RBFOX1: variants seen among roughly 807,000 people sequenced by gnomAD.
RBFOX1 encodes RNA binding protein fox-1 homolog 1.
RBFOX1 carries 8 observed loss-of-function variants against 57.7 expected under a neutral mutation model. That is an observed-to-expected ratio of 0.14 (90% CI 0.08 to 0.25). RBFOX1 has a LOEUF of 0.25. RBFOX1 is among the 10% of genes least tolerant of loss of function. RBFOX1 has a pLI of 1.00. For missense variants in RBFOX1, 611 were observed against 548.5 expected (o/e 1.11, Z -1.14); for synonymous variants, 326 against 222.4 (o/e 1.47, Z -4.15).
chr16:7,361,094 T>C (rs1398361544), intron 4 of RBFOX1, among the ~76,000 whole-genome samples: 1 of 152,176 alleles, frequency 6.6e-6, no homozygotes, highest in Non-Finnish European at 1.5e-5. Flanking sequence ...TTGGCCATTG[T>C]TGAAGACCAC....
chr16:6,941,229 C>A (rs1020499796), intron 3 of RBFOX1, among the ~76,000 whole-genome samples: 1 of 146,262 alleles, frequency 6.8e-6, no homozygotes, highest in African/African-American at 2.5e-5. Context: ...CCATTACCTC[C>A]CTCCCTCCAT....
At chr16:6,520,456 T>C (rs143411819) in intron 2 of RBFOX1, among the ~76,000 whole-genome samples, 1 of 152,318 alleles carries the variant, frequency 6.6e-6, no homozygotes, top group Non-Finnish European at 1.5e-5. Context: ...CTGAAGGGCC[T>C]CATTTAACAC....
intron 4 of RBFOX1, among the ~76,000 whole-genome samples, chr16:7,296,341 T>A (rs1300579022): frequency 1.3e-5 from 2 of 151,236 alleles, no homozygotes; most frequent in East Asian, 3.9e-4. Context: ...TGTATGTGAG[T>A]TTATGTGTGT....
intron 4 of RBFOX1, among the ~76,000 whole-genome samples, chr16:5,907,970 C>G (rs549237563): frequency 2.5e-3 from 372 of 151,738 alleles, no homozygotes; most frequent in African/African-American, 8.3e-3. Flanking sequence ...AGGCTGATCT[C>G]AAACTGCTGA....
intron 4 of RBFOX1, among the ~76,000 whole-genome samples, chr16:5,991,565 C>G (rs907171012): frequency 4.6e-5 from 7 of 151,696 alleles, no homozygotes; most frequent in African/African-American, 1.7e-4. Context: ...GATCTGTACT[C>G]AATGATCGCA....
intron 1 of RBFOX1, among the ~76,000 whole-genome samples, chr16:5,305,090 A>G (rs1371350329): frequency 6.6e-6 from 1 of 152,120 alleles, no homozygotes; most frequent in African/African-American, 2.4e-5. Flanking sequence ...GCAAGGGGGT[A>G]GATACTGAAC....
At chr16:6,155,221 C>T (rs145286305) in intron 1 of RBFOX1, among the ~76,000 whole-genome samples, 5 of 152,196 alleles carry the variant, frequency 3.3e-5, no homozygotes, top group Admixed American at 6.5e-5. Flanking sequence ...TCTGCCATCT[C>T]TTCCTCTGGG....
At chr16:5,458,344 G>C (rs1172020734) in intron 1 of RBFOX1, among the ~76,000 whole-genome samples, 1 of 152,138 alleles carries the variant, frequency 6.6e-6, no homozygotes, top group African/African-American at 2.4e-5. Context: ...CGGTGGGGAG[G>C]AAGGGGGTTG....
chr16:6,574,649 C>T (rs1484604492), intron 2 of RBFOX1, among the ~76,000 whole-genome samples: 3 of 146,076 alleles, frequency 2.1e-5, no homozygotes, highest in Admixed American at 6.7e-5. Flanking sequence ...GGGATGGTCT[C>T]GATCTCCTGA....
intron 4 of RBFOX1, among the ~76,000 whole-genome samples, chr16:7,246,561 G>A (rs753277281): frequency 6.0e-5 from 9 of 150,230 alleles, no homozygotes; most frequent in Non-Finnish European, 7.4e-5. Flanking sequence ...TTCCACAAAC[G>A]CCAAGCTTAT....
intron 3 of RBFOX1, among the ~76,000 whole-genome samples, chr16:7,027,536 A>G (rs1167829924): frequency 1.3e-5 from 2 of 152,036 alleles, no homozygotes; most frequent in Non-Finnish European, 2.9e-5. Context: ...TTTTTTTTCT[A>G]AATCACTCCC....
intron 3 of RBFOX1, among the ~76,000 whole-genome samples, chr16:6,901,926 G>A (rs867437390): frequency 3.3e-5 from 5 of 152,116 alleles, no homozygotes; most frequent in African/African-American, 1.2e-4. Context: ...TTTTAAGCAG[G>A]GATTTTTTTT....
chr16:5,625,910 C>G (rs369626340), intron 3 of RBFOX1, among the ~76,000 whole-genome samples: 4 of 149,820 alleles, frequency 2.7e-5, no homozygotes, highest in South Asian at 2.1e-4. Flanking sequence ...GAGTTTCACT[C>G]TTGTTGCCCA....
chr16:7,293,231 A>G (rs1438692989), intron 4 of RBFOX1, among the ~76,000 whole-genome samples: 1 of 152,190 alleles, frequency 6.6e-6, no homozygotes, highest in African/African-American at 2.4e-5. Context: ...TATTCCCTAA[A>G]CAATGCATTG....
intron 1 of RBFOX1, among the ~76,000 whole-genome samples, chr16:6,238,851 G>A (rs941963214): frequency 3.9e-5 from 6 of 152,026 alleles, no homozygotes; most frequent in African/African-American, 1.4e-4. Flanking sequence ...ATTTTATCAC[G>A]GAGAATGTGG....
chr16:5,800,639 AT>A (rs1463433170), intron 3 of RBFOX1, among the ~76,000 whole-genome samples: 2 of 152,152 alleles, frequency 1.3e-5, no homozygotes, highest in Non-Finnish European at 2.9e-5. Context: ...TTAGTGGCCT[AT>A]TACCTAGTTT....
At chr16:6,826,702 G>C (rs1237835839) in intron 3 of RBFOX1, among the ~76,000 whole-genome samples, 4 of 151,928 alleles carry the variant, frequency 2.6e-5, no homozygotes, top group African/African-American at 9.7e-5. Flanking sequence ...CTAACCCTAA[G>C]ACCAGGTGAT....
chr16:6,813,948 T>A (rs2089427808), intron 3 of RBFOX1, among the ~76,000 whole-genome samples: 1 of 152,160 alleles, frequency 6.6e-6, no homozygotes, highest in Non-Finnish European at 1.5e-5. Flanking sequence ...AGCAAACTAT[T>A]AACCAGTCCT....
At chr16:5,523,427 C>A (rs2044105284) in intron 2 of RBFOX1, among the ~76,000 whole-genome samples, 1 of 151,926 alleles carries the variant, frequency 6.6e-6, no homozygotes, top group Admixed American at 6.6e-5. Flanking sequence ...CCAGCCTGAA[C>A]AAGATGGTGA....
Sources: gnomAD v4.1 joint callset for allele counts (sites outside exome capture counted in the v4.1 genomes callset) on GRCh38, gnomAD v4.1.1 for gene constraint, MANE v1.5 for transcripts, NCBI Gene and HGNC (gene_info 2026-07-23, HGNC 2026-07-21) for gene names.